SLC17A1: variants seen among roughly 807,000 people sequenced by gnomAD.
The protein encoded by SLC17A1 is sodium-dependent phosphate transport protein 1.
Under a neutral mutation model 53.5 loss-of-function variants are expected in SLC17A1, and 51 were observed. That is an observed-to-expected ratio of 0.95 (90% CI 0.76 to 1.20). The LOEUF (loss-of-function observed/expected upper bound fraction) is 1.20, where lower values mean the gene tolerates loss of function less well. Among genes scored for constraint, SLC17A1 ranks in the 50% most tolerant of loss-of-function variants. SLC17A1 has a pLI of 0.00. For synonymous variants in SLC17A1, 179 were observed against 198.8 expected, an observed-to-expected ratio of 0.90 and a Z score of 0.84; for missense variants, 538 against 568.2, an observed-to-expected ratio of 0.95 and a Z score of 0.54.
chr6:25,788,241 G>A (rs761230988), intron 12 of SLC17A1, among the ~76,000 whole-genome samples: 1 of 152,130 alleles, frequency 6.6e-6, no homozygotes, highest in Non-Finnish European at 1.5e-5. Context: ...CACTCACCAT[G>A]CCAAAGAGCA....
chr6:25,727,382 A>C, the SLC17A1 span: 1 of 1,073,202 alleles, frequency 9.3e-7, no homozygotes, highest in Admixed American at 2.7e-5. Context: ...GTTTTTGTGT[A>C]GTTTCTAACC....
At chr6:25,812,694 CAGTT>C (rs1764198990) in intron 8 of SLC17A1, 133 bp downstream of exon 8, 4 of 633,552 alleles carry the variant, frequency 6.3e-6, no homozygotes, top group African/African-American at 3.7e-5. Context: ...AGAGCAGAAA[CAGTT>C]AGTTTCCAGG....
At chr6:25,783,682 G>A (rs1763316540) in intron 12 of SLC17A1, among the ~76,000 whole-genome samples, 2 of 152,080 alleles carry the variant, frequency 1.3e-5, no homozygotes, top group South Asian at 2.1e-4. Context: ...TATCCACAGC[G>A]ATAATAAGAC....
intron 12 of SLC17A1, among the ~76,000 whole-genome samples, chr6:25,785,256 G>C (rs1763356825): frequency 6.6e-6 from 1 of 152,196 alleles, no homozygotes; most frequent in East Asian, 1.9e-4. Flanking sequence ...TAAAGAAGCT[G>C]TCTTAGCTAA....
the SLC17A1 span, among the ~76,000 whole-genome samples, chr6:25,752,258 C>T: frequency 1.3e-5 from 2 of 152,172 alleles, no homozygotes; most frequent in Non-Finnish European, 2.9e-5. Context: ...TGCTCCTAGG[C>T]TACAAACCTG....
the SLC17A1 span, chr6:25,727,440 G>A: frequency 1.5e-6 from 1 of 662,278 alleles, no homozygotes; most frequent in African/African-American, 1.9e-5. Flanking sequence ...CTCCCAGGCT[G>A]GAGTGCAGTG....
At chr6:25,795,264 G>A (rs1763580045) in intron 12 of SLC17A1, among the ~76,000 whole-genome samples, 1 of 152,034 alleles carries the variant, frequency 6.6e-6, no homozygotes, top group South Asian at 2.1e-4. Flanking sequence ...TCATCTTTGG[G>A]GAATTACAGG....
At chr6:25,779,966 G>C (rs952389411), downstream of SLC17A1, 1 of 152,092 alleles carries the variant, frequency 6.6e-6, no homozygotes, top group African/African-American at 2.4e-5. Flanking sequence ...ATCTGCCTTC[G>C]TTTGCCCCTC....
chr6:25,776,573 T>C, the SLC17A1 span: 1 of 1,581,342 alleles, frequency 6.3e-7, no homozygotes. Flanking sequence ...CACATGCACC[T>C]GACCTAGTCT....
chr6:25,817,326 G>A (rs988403696), intron 6 of SLC17A1, among the ~76,000 whole-genome samples: 43 of 152,308 alleles, frequency 2.8e-4, no homozygotes, highest in African/African-American at 9.9e-4. Context: ...AAACAATCTT[G>A]GTTTTAGTTT....
At chr6:25,751,809 AC>A in the SLC17A1 span, among the ~76,000 whole-genome samples, 2 of 152,058 alleles carry the variant, frequency 1.3e-5, no homozygotes, top group African/African-American at 4.8e-5. Flanking sequence ...TACTTGCCAT[AC>A]CTCAAGACCT....
intron 2 of SLC17A1, among the ~76,000 whole-genome samples, chr6:25,828,502 A>G (rs997192490): frequency 5.9e-5 from 9 of 152,110 alleles, no homozygotes; most frequent in African/African-American, 1.9e-4. Context: ...AGTGACATGT[A>G]TACATTTTCT....
At chr6:25,816,454 G>A (rs986256018) in intron 6 of SLC17A1, among the ~76,000 whole-genome samples, 3 of 152,256 alleles carry the variant, frequency 2.0e-5, no homozygotes, top group African/African-American at 7.2e-5. Context: ...ATGATTAGAA[G>A]CAGAGCCATG....
chr6:25,826,713 A>G (rs983698444), intron 2 of SLC17A1, 80 bp from the exon 3 acceptor site: 1 of 987,332 alleles, frequency 1.0e-6, no homozygotes, highest in Non-Finnish European at 1.4e-6. Flanking sequence ...GGACATTCAG[A>G]AATTTGGAGC....
chr6:25,752,419 G>T, the SLC17A1 span, among the ~76,000 whole-genome samples: 1 of 152,212 alleles, frequency 6.6e-6, no homozygotes, highest in Non-Finnish European at 1.5e-5. Flanking sequence ...GAGACTGGAA[G>T]TTACTCTGGG....
rs1764394084 is a variant in SLC17A1 at position 25,817,350 on chromosome 6, A to G, written c.616+1718T>C. ...TGGTTTTAGTTTTCCCTCTGCCACT[A>G]ACGAACAGGTCGTTTGACATACGTG... On this transcript the variant is annotated intron_variant, in intron 6 of 12. Coordinates refer to ENST00000244527, the MANE Select transcript of SLC17A1 (RefSeq NM_005074.5). Among the ~76,000 whole-genome samples, 7 of 152,230 alleles carry G rather than the reference A, an allele frequency of 4.6e-5. No individual in the cohort carries two copies. The South Asian group carries it at 1.4e-3, about 31-fold the overall frequency.
chr6:25,798,946 G>A (rs768921733), intron 11 of SLC17A1, 27 bp from the exon 12 acceptor site: 8 of 1,523,646 alleles, frequency 5.3e-6, no homozygotes, highest in South Asian at 1.3e-5. Context: ...CAAAGTAATT[G>A]TAAATTATTG....
the SLC17A1 span, among the ~76,000 whole-genome samples, chr6:25,765,432 A>T: frequency 6.6e-6 from 1 of 152,234 alleles, no homozygotes; most frequent in Non-Finnish European, 1.5e-5. Flanking sequence ...AGGCACAAAG[A>T]GGTAGCAGCT....
intron 12 of SLC17A1, among the ~76,000 whole-genome samples, chr6:25,795,669 A>C (rs551024551): frequency 2.6e-5 from 4 of 152,298 alleles, no homozygotes; most frequent in South Asian, 2.1e-4. Flanking sequence ...TGCAAGAAAA[A>C]CATTAAATAA....
Sources: gnomAD v4.1 joint callset for allele counts (sites outside exome capture counted in the v4.1 genomes callset) on GRCh38, gnomAD v4.1.1 for gene constraint, MANE v1.5 for transcripts, NCBI Gene and HGNC (gene_info 2026-07-23, HGNC 2026-07-21) for gene names.